Variants in EXTL3 observed in about 807,000 individuals in gnomAD.
EXTL3 encodes exostosin-like 3.
Under a neutral mutation model 69.3 loss-of-function variants are expected in EXTL3, and 27 were observed. That is an observed-to-expected ratio of 0.39 (90% CI 0.29 to 0.54). The LOEUF is 0.54. Among genes scored for constraint, EXTL3 ranks in the 20% least tolerant of loss-of-function variants. The pLI, the probability that EXTL3 is intolerant of heterozygous loss-of-function variation, is 0.69. For missense variants in EXTL3, 1,003 were observed against 1,231.8 expected (o/e 0.81, Z 2.78); for synonymous variants, 511 against 499.4 (o/e 1.02, Z -0.31).
intron 1 of EXTL3, among the ~76,000 whole-genome samples, chr8:28,683,614 A>C (rs965647930): frequency 6.6e-6 from 1 of 152,168 alleles, no homozygotes; most frequent in African/African-American, 2.4e-5. Context: ...GGAGATCGAG[A>C]CCATCCTGGC....
chr8:28,736,759 A>G (rs1228187065), intron 4 of EXTL3, among the ~76,000 whole-genome samples: 2 of 152,242 alleles, frequency 1.3e-5, no homozygotes, highest in Non-Finnish European at 2.9e-5. Flanking sequence ...TTCTGAACTA[A>G]TATGTCATGC....
intron 1 of EXTL3, among the ~76,000 whole-genome samples, chr8:28,646,625 T>A (rs952092741): frequency 6.6e-6 from 1 of 152,194 alleles, no homozygotes; most frequent in African/African-American, 2.4e-5. Flanking sequence ...CCAGTGTAAC[T>A]GCTACGCACA....
At chr8:28,632,514 G>GC (rs1216776372) in intron 1 of EXTL3, among the ~76,000 whole-genome samples, 2 of 151,366 alleles carry the variant, frequency 1.3e-5, no homozygotes, top group African/African-American at 4.9e-5. Context: ...CTTAGTGCAG[G>GC]CCCTCTGCTA....
intron 1 of EXTL3, among the ~76,000 whole-genome samples, chr8:28,685,367 C>T (rs902706925): frequency 2.6e-5 from 4 of 151,738 alleles, no homozygotes; most frequent in East Asian, 3.9e-4. Context: ...CTTCAGCTTC[C>T]CCTTCTTTCT....
intron 1 of EXTL3, among the ~76,000 whole-genome samples, chr8:28,687,295 G>A (rs887954548): frequency 6.6e-6 from 1 of 152,084 alleles, no homozygotes; most frequent in Non-Finnish European, 1.5e-5. Flanking sequence ...GTGAAACCTC[G>A]CCTCTACTTA....
chr8:28,716,598 A>G lies in EXTL3; in HGVS notation c.539A>G (p.His180Arg), dbSNP rs762349032. The G allele has an allele frequency of 1.7e-5, 27 of 1,614,188 alleles. No individual in the cohort carries two copies. The South Asian group carries it at 2.1e-4, about 12-fold the overall frequency. ...AAGGCCACTCGGGGCTGCCGGCTAC[A>G]CAACTGCTTTGATTATTCTCGTTGC... ...PPKATRGCRL[H>R]NCFDYSRCPL... is the part of the protein sequence containing the mutation. The change falls in exon 3 of 7, where the codon CAC (histidine) becomes CGC (arginine). Residue 180 changes from histidine to arginine, a missense_variant. This residue lies in a region of EXTL3 where 742 missense variants were observed against 815.4 expected (regional missense o/e 0.91). Transcript: ENST00000220562. The surrounding 1 kb of genome is among the most constrained non-coding windows in gnomAD (Gnocchi z 7.1).
At chr8:28,706,587 C>T (rs1271745491) in intron 1 of EXTL3, among the ~76,000 whole-genome samples, 7 of 152,186 alleles carry the variant, frequency 4.6e-5, no homozygotes, top group Admixed American at 3.9e-4. Flanking sequence ...GGAATGTTTA[C>T]CCTGGATCCT....
chr8:28,672,096 G>C (rs944808369), intron 1 of EXTL3, among the ~76,000 whole-genome samples: 2 of 152,122 alleles, frequency 1.3e-5, no homozygotes, highest in Non-Finnish European at 2.9e-5. Flanking sequence ...GTGTGTAATT[G>C]TGATAACTGT....
At chr8:28,687,249 T>A (rs1807592186) in intron 1 of EXTL3, among the ~76,000 whole-genome samples, 1 of 152,198 alleles carries the variant, frequency 6.6e-6, no homozygotes, top group Non-Finnish European at 1.5e-5. Context: ...ATGGATCACT[T>A]GAGGTCAGGA....
At position 28,729,364 on chromosome 8, in the gene EXTL3, A is replaced by G. The variant is rs962948770; in HGVS notation, c.2149-1859A>G. The stretch of plus-strand genomic sequence containing the variant: ...GTAGTCCCAGCACTTTGGGAGGCCA[A>G]GGTGGGCGGATCATGAGGTCAGGAT... On this transcript the variant is annotated intron_variant, in intron 3 of 6. Coordinates refer to ENST00000220562, the MANE Select transcript of EXTL3 (RefSeq NM_001440.4). Among the ~76,000 whole-genome samples, 150 of 150,940 alleles carry G rather than the reference A, an allele frequency of 9.9e-4. 1 individual carries two copies. The highest frequency in any genetic ancestry group is 3.5e-3 in the African/African-American group (143 of 41,062).
chr8:28,635,189 G>A (rs73669843), intron 1 of EXTL3, among the ~76,000 whole-genome samples: 3,930 of 152,084 alleles, frequency 0.026, 144 homozygotes, highest in African/African-American at 0.082. Flanking sequence ...CAACGTTCCT[G>A]CCTGGGCTTT....
chr8:28,710,585 G>GT, intron 1 of EXTL3: 1 of 376,072 alleles, frequency 2.7e-6, no homozygotes, highest in South Asian at 1.9e-5. Flanking sequence ...ATTCATGAGA[G>GT]ATTTTTTTTT....
intron 1 of EXTL3, among the ~76,000 whole-genome samples, chr8:28,665,499 T>C (rs1807182679): frequency 1.4e-5 from 2 of 145,846 alleles, no homozygotes; most frequent in South Asian, 4.6e-4. Context: ...ACAGCCTCAA[T>C]CTCCTGGGCT....
At chr8:28,649,061 G>GT (rs1007466493) in intron 1 of EXTL3, among the ~76,000 whole-genome samples, 1 of 151,732 alleles carries the variant, frequency 6.6e-6, no homozygotes, top group Admixed American at 6.6e-5. Context: ...CCCAGCTAAG[G>GT]TTTTTTTGTT....
At chr8:28,612,345 T>G (rs376332578) in intron 2 of EXTL3, among the ~76,000 whole-genome samples, 1 of 151,696 alleles carries the variant, frequency 6.6e-6, no homozygotes, top group African/African-American at 2.4e-5. Context: ...TCCCAGCAAC[T>G]TGGGAGGCTG....
intron 1 of EXTL3, among the ~76,000 whole-genome samples, chr8:28,692,689 A>C (rs114658071): frequency 1.3e-5 from 2 of 152,204 alleles, no homozygotes; most frequent in Non-Finnish European, 2.9e-5. Flanking sequence ...GTTCTTTAAG[A>C]ACCTCTATGA....
intron 1 of EXTL3, among the ~76,000 whole-genome samples, chr8:28,703,121 G>A (rs1363800909): frequency 1.3e-5 from 2 of 152,248 alleles, no homozygotes; most frequent in East Asian, 3.9e-4. Flanking sequence ...GTGGGGAGCC[G>A]GAGGAATCAT....
At chr8:28,632,127 C>T (rs1806579089) in intron 1 of EXTL3, among the ~76,000 whole-genome samples, 1 of 151,676 alleles carries the variant, frequency 6.6e-6, no homozygotes, top group African/African-American at 2.4e-5. Flanking sequence ...TTATCTTGGG[C>T]CAGGCGTGGT....
chr8:28,679,768 A>G (rs1358200510), intron 1 of EXTL3, among the ~76,000 whole-genome samples: 2 of 151,818 alleles, frequency 1.3e-5, no homozygotes, highest in Non-Finnish European at 2.9e-5. Context: ...CTTGTTTACT[A>G]TGATCCTAAA....
Sources: allele counts gnomAD v4.1 joint callset (sites outside exome capture counted in the v4.1 genomes callset), GRCh38; gene constraint gnomAD v4.1.1; regional missense constraint gnomAD v4.1.1; non-coding constraint Gnocchi (gnomAD v3.1); transcripts MANE v1.5; gene names NCBI Gene and HGNC (gene_info 2026-07-23, HGNC 2026-07-21).